IMPG2: variants seen among roughly 807,000 people sequenced by gnomAD.
IMPG2 encodes interphotoreceptor matrix proteoglycan 2.
Under a neutral mutation model 129.2 loss-of-function variants are expected in IMPG2, and 91 were observed. The ratio of observed to expected loss-of-function variants is 0.70; its 90% CI spans 0.59 to 0.84. The LOEUF is 0.84. Ranked by LOEUF, IMPG2 falls within the 40% of genes least tolerant of loss-of-function variation. The pLI is 0.00. For missense variants in IMPG2, 1,430 were observed against 1,461.7 expected (o/e 0.98, Z 0.35); for synonymous variants, 510 against 517.7 (o/e 0.99, Z 0.20).
At chr3:101,256,218 A>AAAGAAAGAAAG (rs1304335098) in intron 10 of IMPG2, among the ~76,000 whole-genome samples, 1 of 147,118 alleles carries the variant, frequency 6.8e-6, no homozygotes, top group Non-Finnish European at 1.5e-5. Flanking sequence ...AGAAAGAAAG[A>AAAGAAAGAAAG]AAAAAATATC....
In IMPG2 at chr3:101,253,750, A is replaced by G; in HGVS notation, c.1185T>C (p.Asp395=). The G allele has an allele frequency of 1.2e-6, 2 of 1,611,796 alleles. No individual in the cohort carries two copies. Among genetic ancestry groups the G allele is most frequent in the Middle Eastern group, 1.7e-4 (1 of 6,052 alleles). The change falls in exon 11 of 19, where the codon GAT becomes GAC. Residue 395 remains aspartate (D), a synonymous_variant. Coordinates refer to ENST00000193391, the MANE Select transcript of IMPG2 (RefSeq NM_016247.4). The part of the protein sequence containing the change: ...VRGVLRHQTE[D]LVWNTQSSSL... Reference sequence around the variant, plus strand: ...TTGAACTTTGGGTGTTCCAAACTAGATCTTCAGTTTGGTGACGCAAAACTC... The same window carrying G: ...TTGAACTTTGGGTGTTCCAAACTAGGTCTTCAGTTTGGTGACGCAAAACTC...
At chr3:101,243,012 T>C (rs983152053) in intron 13 of IMPG2, 105 bp from the exon 14 acceptor site, 13 of 860,760 alleles carry the variant, frequency 1.5e-5, no homozygotes, top group Non-Finnish European at 2.3e-5. Flanking sequence ...CTGCCTCACT[T>C]TTCCTAATTG....
At chr3:101,299,054 T>A (rs1707112894) in intron 3 of IMPG2, among the ~76,000 whole-genome samples, 1 of 152,204 alleles carries the variant, frequency 6.6e-6, no homozygotes, top group Non-Finnish European at 1.5e-5. Context: ...TAGGTTTGGT[T>A]TTTTTTACAT....
At chr3:101,287,557 A>T (rs780537442) in intron 4 of IMPG2, among the ~76,000 whole-genome samples, 3 of 152,172 alleles carry the variant, frequency 2.0e-5, no homozygotes, top group Non-Finnish European at 2.9e-5. Flanking sequence ...GACCAATGGA[A>T]CAGGATAGAA....
Position 101,257,553 on chromosome 3 carries a change from G to T in IMPG2, c.1129C>A (p.Pro377Thr), listed in dbSNP as rs1706623971. 5 of 1,613,324 alleles carry T rather than the reference G, an allele frequency of 3.1e-6. No homozygotes were observed. In the South Asian group the frequency reaches 5.5e-5, roughly 18 times the overall value. The change falls in exon 10 of 19, where the codon CCT (proline) becomes ACT (threonine). Residue 377 changes from proline (P) to threonine (T), a missense_variant. Transcript: ENST00000193391. ...CCATTGATAAGCTGCAGGGAATCAG[G>T]ATCTGGATTCAAGGAAGAGTTCCCC... ...LLGNSSLNPD[P>T]DSLQLINVRG...
intron 2 of IMPG2, among the ~76,000 whole-genome samples, chr3:101,306,211 G>T (rs969864684): frequency 6.6e-6 from 1 of 152,186 alleles, no homozygotes; most frequent in Admixed American, 6.5e-5. Flanking sequence ...AAATTGCAAA[G>T]TGCTACATGA....
intron 3 of IMPG2, among the ~76,000 whole-genome samples, chr3:101,303,498 A>G (rs1390847726): frequency 6.6e-6 from 1 of 152,142 alleles, no homozygotes; most frequent in African/African-American, 2.4e-5. Context: ...ACAGGGAGAT[A>G]TACGGAATAA....
rs66908707 is a variant in IMPG2, at chr3:101,226,225, T to TTATATATA, written c.*736_*743dup. ...TAGATTAATGGGAATCTTCTAAACT[T>TTATATATA]TATATATATATATATATATATATAT... On this transcript the variant is annotated 3_prime_UTR_variant, in exon 19 of 19. Coordinates refer to ENST00000193391, the MANE Select transcript of IMPG2 (RefSeq NM_016247.4). 97 of 102,822 alleles carry TTATATATA rather than the reference T, an allele frequency of 9.4e-4. No individual in the cohort carries two copies. The highest frequency in any genetic ancestry group is 1.8e-3 in the South Asian group (5 of 2,764). The allele number at this position is 102,822 out of a possible 1,614,324, so 6.4% of individuals were successfully genotyped here.
intron 14 of IMPG2, among the ~76,000 whole-genome samples, chr3:101,237,218 C>T (rs925574192): frequency 8.5e-5 from 13 of 152,210 alleles, no homozygotes; most frequent in Non-Finnish European, 1.8e-4. Flanking sequence ...CAGCCCCAGT[C>T]AGGGGCTTAG....
intron 4 of IMPG2, among the ~76,000 whole-genome samples, chr3:101,284,467 GTTTT>G (rs1370396286): frequency 6.6e-6 from 1 of 151,946 alleles, no homozygotes; most frequent in South Asian, 2.1e-4. Context: ...GAGACTCATT[GTTTT>G]AATGAATCCA....
chr3:101,320,418 G>T lies in IMPG2; in HGVS notation c.-46C>A. ...TGAGGAGAGGACAGAATCCTTAATTGAGTGTCCAAATCCTTGAAACTTCCA... is the reference window on the plus strand; with the variant it reads ...TGAGGAGAGGACAGAATCCTTAATTTAGTGTCCAAATCCTTGAAACTTCCA... On this transcript the variant is annotated 5_prime_UTR_variant, in exon 1 of 19. Coordinates refer to ENST00000193391, the MANE Select transcript of IMPG2 (RefSeq NM_016247.4). 8.5e-7 allele frequency: 1 copy of T among 1,175,952 alleles called. No homozygotes were observed. The highest frequency in any genetic ancestry group is 1.2e-5 in the South Asian group (1 of 80,794). The allele number at this position is 1,175,952 out of a possible 1,614,324, so 72.8% of individuals were successfully genotyped here.
At chr3:101,276,531 C>A in intron 5 of IMPG2, 133 bp downstream of exon 5, 2 of 685,902 alleles carry the variant, frequency 2.9e-6, no homozygotes, top group East Asian at 5.5e-5. Flanking sequence ...TCTTGAGACT[C>A]TTGAAAAACG....
At chr3:101,258,192 G>T (rs1377671856) in intron 9 of IMPG2, among the ~76,000 whole-genome samples, 1 of 151,876 alleles carries the variant, frequency 6.6e-6, no homozygotes, top group Admixed American at 6.6e-5. Flanking sequence ...CTTCATTATT[G>T]TTGTTAGACA....
chr3:101,299,632 T>C (rs1707119090), intron 3 of IMPG2, among the ~76,000 whole-genome samples: 1 of 152,212 alleles, frequency 6.6e-6, no homozygotes, highest in Non-Finnish European at 1.5e-5. Context: ...TTGTTTGTTT[T>C]TCTTGCAATG....
chr3:101,315,982 T>C (rs1310523916), intron 2 of IMPG2, among the ~76,000 whole-genome samples: 1 of 152,086 alleles, frequency 6.6e-6, no homozygotes, highest in East Asian at 1.9e-4. Context: ...ATCCACCATA[T>C]ATAAACACTG....
Position 101,257,767 on chromosome 3 carries a change from T to C in IMPG2, c.915A>G (p.Val305=), listed in dbSNP as rs538317956. Residue 305 remains valine, a synonymous_variant, in exon 10 of 19, where the codon GTA becomes GTG. Transcript: ENST00000193391. ...FRSPKENDSG[V]DVYYAVTFNG... ...TGAAGGTAACTGCATAGTAAACATC[T>C]ACGCCACTATGGATGGAAAGAGAGA... is the stretch of plus-strand genomic sequence containing the variant. 1 of 1,613,052 alleles carries C rather than the reference T, an allele frequency of 6.2e-7. No individual in the cohort carries two copies. Among genetic ancestry groups the C allele is most frequent in the South Asian group, 1.1e-5 (1 of 91,066 alleles).
chr3:101,277,259 A>G (rs1165014507), intron 4 of IMPG2, among the ~76,000 whole-genome samples: 3 of 152,224 alleles, frequency 2.0e-5, no homozygotes, highest in Non-Finnish European at 4.4e-5. Context: ...AAGAATCTAA[A>G]CTGCATGAGA....
intron 11 of IMPG2, among the ~76,000 whole-genome samples, chr3:101,249,033 A>G (rs1266575984): frequency 1.3e-5 from 2 of 152,182 alleles, no homozygotes; most frequent in African/African-American, 4.8e-5. Flanking sequence ...GCCAAGCCTC[A>G]ATACTCTGTG....
rs1365063142 is a variant in IMPG2, at chr3:101,319,727, T to C, written c.191A>G (p.Gln64Arg). The change falls in exon 2 of 19, where the codon CAG becomes CGG. Residue 64 changes from glutamine to arginine, a missense_variant. Gln to Arg is a conservative substitution (Grantham distance 43, BLOSUM62 1). Coordinates refer to ENST00000193391, the MANE Select transcript of IMPG2 (RefSeq NM_016247.4). ...TDLSLATKKKQPLDRRETERQ... is the reference protein window; with the variant it reads ...TDLSLATKKKRPLDRRETERQ... ...TTCAGTTTCTCTGCGGTCCAGAGGC[T>C]GTTTCTTTTTGGTAGCTAGAGAAAG... 8 of 1,613,612 alleles carry C rather than the reference T, an allele frequency of 5.0e-6. No homozygotes were observed. Among genetic ancestry groups the C allele is most frequent in the Non-Finnish European group, 6.8e-6 (8 of 1,179,842 alleles).
Sources: allele counts gnomAD v4.1 joint callset (sites outside exome capture counted in the v4.1 genomes callset), GRCh38; gene constraint gnomAD v4.1.1; transcripts MANE v1.5; gene names NCBI Gene and HGNC (gene_info 2026-07-23, HGNC 2026-07-21).